Variants in HNRNPM observed in about 807,000 individuals in gnomAD.
The protein encoded by HNRNPM is heterogeneous nuclear ribonucleoprotein M, also known as CEA receptor.
In HNRNPM, 11 loss-of-function variants were observed where a neutral mutation model predicts 73.1. That is an observed-to-expected ratio of 0.15 (90% CI 0.09 to 0.25). The LOEUF is 0.25. Among genes scored for constraint, HNRNPM ranks in the 10% least tolerant of loss-of-function variants. HNRNPM has a pLI of 1.00. For synonymous variants in HNRNPM, 407 were observed against 355.2 expected, an observed-to-expected ratio of 1.15 and a Z score of -1.64; for missense variants, 789 against 1,067.9, an observed-to-expected ratio of 0.74 and a Z score of 3.64.
intron 12 of HNRNPM, among the ~76,000 whole-genome samples, chr19:8,477,952 GGTA>G (rs1233137352): frequency 3.3e-5 from 5 of 152,192 alleles, no homozygotes; most frequent in African/African-American, 9.7e-5. Flanking sequence ...TTTTTAAAGT[GGTA>G]GTGGTGGTGG....
intron 15 of HNRNPM, chr19:8,488,307 T>C: frequency 6.2e-6 from 1 of 160,782 alleles, no homozygotes; most frequent in Non-Finnish European, 1.4e-5. Context: ...ACCTGCTGGC[T>C]TTCATTTGGA....
chr19:8,471,100 T>G lies in HNRNPM; in HGVS notation c.896-226T>G, dbSNP rs191226571. On this transcript the variant is annotated intron_variant, in intron 9 of 15. Coordinates refer to ENST00000325495, the MANE Select transcript of HNRNPM (RefSeq NM_005968.5). The stretch of plus-strand genomic sequence containing the variant: ...GTGGGGGTTGTTAACTTTCCCGTGT[T>G]GGTTTTCAGCCGCCTTTGTTGTATA... Among the ~76,000 whole-genome samples, 228 of 151,950 alleles carry G rather than the reference T, an allele frequency of 1.5e-3. 2 individuals are homozygous for G. Among genetic ancestry groups the G allele is most frequent in the Middle Eastern group, 0.01 (3 of 294 alleles).
In HNRNPM at chr19:8,445,024, C is replaced by T. The variant is rs1599728238; in HGVS notation, c.26C>T (p.Ala9Val). 6 of 1,421,992 alleles carry T rather than the reference C, an allele frequency of 4.2e-6. No homozygotes were observed. The highest frequency in any genetic ancestry group is 3.5e-5 in the Admixed American group (1 of 28,602). 88.1% of individuals were successfully genotyped at this position (1,421,992 alleles called of 1,614,324 possible). The part of the protein sequence containing the change: MAAGVEAA[A>V]EVAATEIKME... ...ATGGCGGCAGGGGTCGAAGCGGCGGCGGAGGTGGCGGCGACGGAGATCAAA... is the reference window on the plus strand; with the variant it reads ...ATGGCGGCAGGGGTCGAAGCGGCGGTGGAGGTGGCGGCGACGGAGATCAAA... Residue 9 changes from alanine to valine, a missense_variant, in exon 1 of 16, where the codon GCG becomes GTG. Physicochemically the swap from Ala to Val is moderately conservative, Grantham distance 64. Transcript: ENST00000325495.
In HNRNPM at chr19:8,462,020, G is replaced by T. The variant is rs573205773; in HGVS notation, c.284-509G>T. The T allele has an allele frequency of 1.3e-5, 2 of 155,410 alleles. No homozygotes were observed. The highest frequency in any genetic ancestry group is 4.8e-5 in the African/African-American group (2 of 41,624). 9.6% of individuals were successfully genotyped at this position (155,410 alleles called of 1,614,324 possible). ...AGTGCGGGGCTCTGTACAATTGCAC[G>T]AGTTGCTCACCTGTGAAGCTGGCCC... On this transcript the variant is annotated intron_variant, in intron 2 of 15. Transcript: ENST00000325495. The surrounding 1 kb of genome is among the most constrained non-coding windows in gnomAD (Gnocchi z 4.5).
intron 10 of HNRNPM, among the ~76,000 whole-genome samples, chr19:8,472,164 C>T (rs1366998249): frequency 1.4e-5 from 2 of 139,010 alleles, no homozygotes; most frequent in South Asian, 2.3e-4. Flanking sequence ...AGCGAGAGTC[C>T]GTCTCCAGAA....
intron 1 of HNRNPM, 32 bp downstream of exon 1, chr19:8,445,143 AG>A: frequency 1.5e-6 from 2 of 1,359,234 alleles, no homozygotes; most frequent in Non-Finnish European, 1.9e-6. Flanking sequence ...GCCACGGGTA[AG>A]GGTTCCTCTC....
At position 8,489,003 on chromosome 19, in the gene HNRNPM, G is replaced by C; in HGVS notation, c.*149G>C. On this transcript the variant is annotated 3_prime_UTR_variant, in exon 16 of 16. Transcript: ENST00000325495. ...TTTGAATTACTTTTTTAATGACTGG[G>C]GTTCCATTTGACTGTTTGCATTGAG... The C allele has an allele frequency of 1.4e-6, 1 of 707,278 alleles. No individual in the cohort carries two copies. The highest frequency in any genetic ancestry group is 2.3e-6 in the Non-Finnish European group (1 of 441,758). The allele number at this position is 707,278 out of a possible 1,614,324, so 43.8% of individuals were successfully genotyped here.
chr19:8,450,612 G>T (rs767787484), intron 1 of HNRNPM, among the ~76,000 whole-genome samples: 63 of 152,036 alleles, frequency 4.1e-4, no homozygotes, highest in Non-Finnish European at 8.2e-4. Context: ...ATGTTGCCCA[G>T]GCTGTTCTTG....
chr19:8,488,130 C>T (rs894786265), intron 15 of HNRNPM: 3 of 152,476 alleles, frequency 2.0e-5, no homozygotes, highest in Admixed American at 2.0e-4. Context: ...GAGGACCCCT[C>T]CACCCTACCT....
At chr19:8,452,860 A>C (rs1474914430) in intron 1 of HNRNPM, among the ~76,000 whole-genome samples, 1 of 152,134 alleles carries the variant, frequency 6.6e-6, no homozygotes, top group East Asian at 1.9e-4. Flanking sequence ...ACTATTTTTG[A>C]GACAGGGTCT....
At chr19:8,480,906 C>CT (rs904218214) in intron 12 of HNRNPM, among the ~76,000 whole-genome samples, 10 of 152,162 alleles carry the variant, frequency 6.6e-5, no homozygotes, top group Admixed American at 1.3e-4. Context: ...CACCTTCTTT[C>CT]TGATTGGGAC....
chr19:8,458,603 T>C (rs1398349267), intron 2 of HNRNPM, among the ~76,000 whole-genome samples: 1 of 152,180 alleles, frequency 6.6e-6, no homozygotes, highest in Non-Finnish European at 1.5e-5. Context: ...AGAGCCCAGG[T>C]TGAGGAAGAA....
intron 7 of HNRNPM, among the ~76,000 whole-genome samples, chr19:8,466,877 C>G (rs917276102): frequency 7.4e-6 from 1 of 135,772 alleles, no homozygotes; most frequent in East Asian, 2.6e-4. Flanking sequence ...GGAATTGATT[C>G]AATACAGTGT....
At chr19:8,482,617 C>T (rs1469038781) in intron 12 of HNRNPM, 1 of 152,652 alleles carries the variant, frequency 6.6e-6, no homozygotes, top group Admixed American at 6.6e-5. Flanking sequence ...CATTTGTTAG[C>T]GTTGAGGTTG....
Position 8,466,828 on chromosome 19 carries a change from C to CAAAAAAAAAAA in HNRNPM, c.784+454_784+464dup, listed in dbSNP as rs61362863. Among the ~76,000 whole-genome samples, 10 of 56,492 alleles carry CAAAAAAAAAAA rather than the reference C, an allele frequency of 1.8e-4. 1 individual carries two copies. The highest frequency in any genetic ancestry group is 2.6e-4 in the Non-Finnish European group (9 of 34,216). The allele number at this position is 56,492 out of a possible 152,430, so 37.1% of individuals were successfully genotyped here. On this transcript the variant is annotated intron_variant, in intron 7 of 15. Transcript: ENST00000325495. ...TGGGTGATAGAGTGAGACTCAGTCT[C>CAAAAAAAAAAA]AAAAAAAAAAAAAAAAAAAAAAAAG... is the stretch of plus-strand genomic sequence containing the variant.
chr19:8,477,953 G>A (rs748582142), intron 12 of HNRNPM, among the ~76,000 whole-genome samples: 13 of 152,206 alleles, frequency 8.5e-5, no homozygotes, highest in Non-Finnish European at 1.8e-4. Context: ...TTTTAAAGTG[G>A]TAGTGGTGGT....
intron 1 of HNRNPM, chr19:8,445,528 T>A: frequency 6.5e-6 from 1 of 154,680 alleles, no homozygotes; most frequent in East Asian, 1.9e-4. Flanking sequence ...ATCCGTAACG[T>A]GGGGGGAGGA....
chr19:8,486,111 C>T lies in HNRNPM; in HGVS notation c.1683C>T (p.Asn561=). 6.2e-7 allele frequency: 1 copy of T among 1,606,522 alleles called. No homozygotes were observed. The highest frequency in any genetic ancestry group is 8.5e-7 in the Non-Finnish European group (1 of 1,179,546). The change falls in exon 14 of 16, where the codon AAC becomes AAT. Residue 561 remains asparagine, a synonymous_variant. Coordinates refer to ENST00000325495, the MANE Select transcript of HNRNPM (RefSeq NM_005968.5). ...CCGGCCTGGAGCGCATGGGCGCCAACAATCTGGAGCGGATGGGCCTGGAGC... is the reference window on the plus strand; with the variant it reads ...CCGGCCTGGAGCGCATGGGCGCCAATAATCTGGAGCGGATGGGCCTGGAGC... ...MATGLERMGA[N]NLERMGLERM...
Position 8,447,970 on chromosome 19 carries a change from G to C in HNRNPM, c.113+2859G>C, listed in dbSNP as rs534175351. On this transcript the variant is annotated intron_variant, in intron 1 of 15. Transcript: ENST00000325495. ...GAACCTGGGAGGCAGAGCTTGCAGT[G>C]AGCCGAGATTGGGCCACTGCACTCC... is the stretch of plus-strand genomic sequence containing the variant. 5.3e-5 allele frequency among the ~76,000 whole-genome samples: 8 copies of C among 152,248 alleles called. No homozygotes were observed. The South Asian group carries it at 1.7e-3, about 31-fold the overall frequency.
Sources: allele counts gnomAD v4.1 joint callset (sites outside exome capture counted in the v4.1 genomes callset), GRCh38; gene constraint gnomAD v4.1.1; non-coding constraint Gnocchi (gnomAD v3.1); transcripts MANE v1.5; gene names NCBI Gene and HGNC (gene_info 2026-07-23, HGNC 2026-07-21).